SNRPF: variants seen among roughly 807,000 people sequenced by gnomAD.
The protein encoded by SNRPF is small nuclear ribonucleoprotein polypeptide F.
In SNRPF, 1 loss-of-function variant was observed where a neutral mutation model predicts 13.4. The ratio of observed to expected loss-of-function variants is 0.07; its 90% CI spans 0.03 to 0.35. The LOEUF (loss-of-function observed/expected upper bound fraction) is 0.35. Among genes scored for constraint, SNRPF ranks in the 10% least tolerant of loss-of-function variants. The pLI is 0.99. For synonymous variants in SNRPF, 27 were observed against 32.1 expected (o/e 0.84, Z 0.54); for missense variants, 53 against 101.0 (o/e 0.52, Z 2.04).
intron 1 of SNRPF, among the ~76,000 whole-genome samples, chr12:95,859,359 T>C (rs2079482748): frequency 6.6e-6 from 1 of 152,118 alleles, no homozygotes; most frequent in African/African-American, 2.4e-5. Flanking sequence ...TCAAAGAGAA[T>C]TTGCACTTCC....
Position 95,866,087 on chromosome 12 carries a change from A to ATT in SNRPF, c.*23_*24dup. The ATT allele has an allele frequency of 1.6e-6, 2 of 1,277,378 alleles. No homozygotes were observed. Among genetic ancestry groups the ATT allele is most frequent in the South Asian group, 1.3e-5 (1 of 77,158 alleles). The allele number at this position is 1,277,378 out of a possible 1,614,324, so 79.1% of individuals were successfully genotyped here. ...GAGAGAATAGCATCTTTTGTGGGGG[A>ATT]TTTTTTTTATATATATTTCTAGACA... On this transcript the variant is annotated 3_prime_UTR_variant, in exon 4 of 4. Transcript: ENST00000266735.
chr12:95,859,118 A>G (rs993589871), intron 1 of SNRPF, 42 bp downstream of exon 1: 3 of 1,562,944 alleles, frequency 1.9e-6, no homozygotes, highest in African/African-American at 2.7e-5. Context: ...GGAGAAAGAG[A>G]AGGAGGGAGA....
At chr12:95,861,861 AGTGTATAATT>A (rs2079497992) in intron 2 of SNRPF, 1 of 152,576 alleles carries the variant, frequency 6.6e-6, no homozygotes, top group African/African-American at 2.4e-5. Flanking sequence ...ACCATTTTTA[AGTGTATAATT>A]CAGTGGCATT....
At chr12:95,860,353 A>T (rs1339622526) in intron 1 of SNRPF, among the ~76,000 whole-genome samples, 3 of 152,242 alleles carry the variant, frequency 2.0e-5, no homozygotes, top group African/African-American at 7.2e-5. Flanking sequence ...TGCCTGGAAC[A>T]GCATTTTTTC....
chr12:95,861,454 C>T, intron 2 of SNRPF, 161 bp downstream of exon 2: 1 of 526,622 alleles, frequency 1.9e-6, no homozygotes, highest in Non-Finnish European at 3.3e-6. Context: ...CTGTGATATA[C>T]TAGGTACAAG....
intron 2 of SNRPF, chr12:95,864,996 A>G (rs2079514038): frequency 5.8e-6 from 1 of 172,302 alleles, no homozygotes; most frequent in African/African-American, 2.4e-5. Context: ...TAGCTTTCGT[A>G]TACCTATTTG....
At chr12:95,862,171 G>C (rs1017221139) in intron 2 of SNRPF, among the ~76,000 whole-genome samples, 3 of 152,054 alleles carry the variant, frequency 2.0e-5, no homozygotes, top group Non-Finnish European at 4.4e-5. Flanking sequence ...TATTATTCAA[G>C]GTTCATCCAT....
intron 2 of SNRPF, among the ~76,000 whole-genome samples, chr12:95,863,357 CT>C (rs2079505271): frequency 6.6e-6 from 1 of 152,132 alleles, no homozygotes; most frequent in African/African-American, 2.4e-5. Context: ...GAATTGTACA[CT>C]TTAAAAGGGT....
intron 2 of SNRPF, among the ~76,000 whole-genome samples, chr12:95,863,867 G>A (rs1033963453): frequency 6.6e-6 from 1 of 152,180 alleles, no homozygotes; most frequent in African/African-American, 2.4e-5. Flanking sequence ...TGTGTTCAAG[G>A]CACAGCAAAA....
chr12:95,862,005 AAACATTAAAC>A (rs1206537043), intron 2 of SNRPF, among the ~76,000 whole-genome samples: 1 of 152,240 alleles, frequency 6.6e-6, no homozygotes, highest in East Asian at 1.9e-4. Context: ...TTTTACAATT[AAACATTAAAC>A]AATAATTTTC....
rs1592745480 is a variant in SNRPF, at chr12:95,861,415, C to T, written c.129+122C>T. ...AAATTGACAAATATACGGCAAAATT[C>T]AAAAATAAAGTCAAAGCCAGGAGGG... is the stretch of plus-strand genomic sequence containing the variant. On this transcript the variant is annotated intron_variant, in intron 2 of 3. Coordinates refer to ENST00000266735, the MANE Select transcript of SNRPF (RefSeq NM_003095.5). 1.1e-5 allele frequency: 10 copies of T among 938,956 alleles called. No homozygotes were observed. In the East Asian group the frequency reaches 3.0e-4, roughly 28 times the overall value. 58.2% of individuals were successfully genotyped at this position (938,956 alleles called of 1,614,324 possible). A position where few individuals can be genotyped will look rare whatever the true frequency, so the allele number is the denominator to read the frequency against.
intron 2 of SNRPF, chr12:95,861,828 T>C (rs1359775118): frequency 6.5e-6 from 1 of 153,040 alleles, no homozygotes; most frequent in Non-Finnish European, 1.5e-5. Context: ...TGGTAAAATA[T>C]ACATTACAAT....
At chr12:95,865,456 T>C in intron 3 of SNRPF, 68 bp downstream of exon 3, 1 of 665,834 alleles carries the variant, frequency 1.5e-6, no homozygotes, top group Non-Finnish European at 2.6e-6. Context: ...TCTAAATATA[T>C]TAGTGCCTCA....
Position 95,865,305 on chromosome 12 carries a change from T to C in SNRPF, c.130-19T>C, listed in dbSNP as rs746359249. 3.2e-6 allele frequency: 4 copies of C among 1,267,342 alleles called. No individual in the cohort carries two copies. Among genetic ancestry groups the C allele is most frequent in the African/African-American group, 1.5e-5 (1 of 68,374 alleles). The allele number at this position is 1,267,342 out of a possible 1,614,324, so 78.5% of individuals were successfully genotyped here. A position where few individuals can be genotyped will look rare whatever the true frequency, so the allele number is the denominator to read the frequency against. On this transcript the variant is annotated intron_variant, in intron 2 of 3. Coordinates refer to ENST00000266735, the MANE Select transcript of SNRPF (RefSeq NM_003095.5). Reference sequence around the variant, plus strand: ...TTCCTCCTGTGTGATTATACTAATATATTTCTTTTTATTGAAAGCTTGCAA... The same window carrying C: ...TTCCTCCTGTGTGATTATACTAATACATTTCTTTTTATTGAAAGCTTGCAA...
At chr12:95,864,132 A>G (rs558444585) in intron 2 of SNRPF, among the ~76,000 whole-genome samples, 1 of 152,368 alleles carries the variant, frequency 6.6e-6, no homozygotes, top group South Asian at 2.1e-4. Context: ...TATCATCTGG[A>G]TAATGGAGAT....
intron 3 of SNRPF, 84 bp from the exon 4 acceptor site, chr12:95,865,921 A>C: frequency 1.8e-6 from 1 of 568,798 alleles, no homozygotes; most frequent in Admixed American, 3.2e-5. Flanking sequence ...TATAGTATTC[A>C]GTATTTTCAT....
At chr12:95,863,573 G>A (rs2079506058) in intron 2 of SNRPF, among the ~76,000 whole-genome samples, 1 of 152,152 alleles carries the variant, frequency 6.6e-6, no homozygotes, top group Non-Finnish European at 1.5e-5. Context: ...TTATGTGCCT[G>A]GCACTGTGAA....
At position 95,865,304 on chromosome 12, in the gene SNRPF, A is replaced by G. The variant is rs1304836160; in HGVS notation, c.130-20A>G. ...TTTCCTCCTGTGTGATTATACTAAT[A>G]TATTTCTTTTTATTGAAAGCTTGCA... On this transcript the variant is annotated intron_variant, in intron 2 of 3. Coordinates refer to ENST00000266735, the MANE Select transcript of SNRPF (RefSeq NM_003095.5). The G allele has an allele frequency of 2.4e-6, 3 of 1,261,860 alleles. No homozygotes were observed. The highest frequency in any genetic ancestry group is 1.7e-5 in the Admixed American group (1 of 59,120). The allele number at this position is 1,261,860 out of a possible 1,614,324, so 78.2% of individuals were successfully genotyped here. A position where few individuals can be genotyped will look rare whatever the true frequency, so the allele number is the denominator to read the frequency against.
intron 1 of SNRPF, among the ~76,000 whole-genome samples, chr12:95,859,398 C>G (rs1333733242): frequency 1.1e-4 from 17 of 152,176 alleles, no homozygotes; most frequent in Admixed American, 1.1e-3. Flanking sequence ...AATTCACTTT[C>G]ATTCCGTGAA....
Sources: allele counts gnomAD v4.1 joint callset (sites outside exome capture counted in the v4.1 genomes callset), GRCh38; gene constraint gnomAD v4.1.1; transcripts MANE v1.5; gene names NCBI Gene and HGNC (gene_info 2026-07-23, HGNC 2026-07-21).